The following NBEA variants were observed in gnomAD, a reference collection of about 807,000 sequenced individuals.
NBEA encodes the protein neurobeachin.
In NBEA, 44 loss-of-function variants were observed where a neutral mutation model predicts 343.4. That is an observed-to-expected ratio of 0.13 (90% CI 0.10 to 0.16). The LOEUF (loss-of-function observed/expected upper bound fraction) is 0.16. Ranked by LOEUF, NBEA falls within the 10% of genes least tolerant of loss-of-function variation. The pLI is 1.00. For missense variants in NBEA, 2,555 were observed against 3,631.3 expected (o/e 0.70, Z 7.62); for synonymous variants, 1,175 against 1,238.7 (o/e 0.95, Z 1.08).
intron 45 of NBEA, among the ~76,000 whole-genome samples, chr13:35,580,595 C>G (rs2080978018): frequency 6.6e-6 from 1 of 152,128 alleles, no homozygotes; most frequent in Middle Eastern, 3.2e-3. Flanking sequence ...AAGCAAATGT[C>G]ATCTATGACA....
rs573193713 is a variant in NBEA, at chr13:35,437,863, A to T, written c.6304+5470A>T. 2.0e-5 allele frequency among the ~76,000 whole-genome samples: 3 copies of T among 152,340 alleles called. No individual in the cohort carries two copies. In the South Asian group the frequency reaches 6.2e-4, roughly 32 times the overall value. On this transcript the variant is annotated intron_variant, in intron 39 of 58. Transcript: ENST00000379939. ...TATATATTAAAATAAAACCTAGACT[A>T]GTCAAATTCTGGTGCATTTCTAGCA...
intron 10 of NBEA, among the ~76,000 whole-genome samples, chr13:35,089,686 T>C (rs1349764571): frequency 1.0e-3 from 136 of 130,878 alleles, no homozygotes; most frequent in African/African-American, 3.9e-3. Context: ...ATAGACTGGA[T>C]TAAGAAAATG....
chr13:35,008,481 GA>G (rs1052881687), intron 1 of NBEA, among the ~76,000 whole-genome samples: 35 of 152,130 alleles, frequency 2.3e-4, no homozygotes, highest in African/African-American at 7.7e-4. Flanking sequence ...ATAGTGACTA[GA>G]AAAATGTTTG....
At chr13:35,210,915 A>G in intron 32 of NBEA, 138 bp from the exon 33 acceptor site, 1 of 809,688 alleles carries the variant, frequency 1.2e-6, no homozygotes, top group East Asian at 2.8e-5. Context: ...ATACTTACTA[A>G]TGGCCAAATG....
Position 35,164,531 on chromosome 13 carries a change from A to AGT in NBEA, c.4233+24_4233+25dup, listed in dbSNP as rs1295257966. On this transcript the variant is annotated intron_variant, in intron 24 of 58. Coordinates refer to ENST00000379939, the MANE Select transcript of NBEA (RefSeq NM_001385012.1). ...AACTGTAAGTACTTTGCCTCCATCT[A>AGT]GTGGTTATATTTTATAAATACATGA... 3 of 1,599,948 alleles carry AGT rather than the reference A, an allele frequency of 1.9e-6. No homozygotes were observed. The African/African-American group carries it at 4.0e-5, about 21-fold the overall frequency.
chr13:35,125,465 A>G (rs2067072277), intron 17 of NBEA, among the ~76,000 whole-genome samples: 1 of 152,210 alleles, frequency 6.6e-6, no homozygotes, highest in Non-Finnish European at 1.5e-5. Flanking sequence ...TTTGAATCAG[A>G]TTGGTTTCAG....
intron 40 of NBEA, among the ~76,000 whole-genome samples, chr13:35,468,488 T>G (rs1169133144): frequency 6.6e-6 from 1 of 152,200 alleles, no homozygotes; most frequent in Non-Finnish European, 1.5e-5. Context: ...CTTCCTTCCC[T>G]CTAGATAAGA....
At chr13:35,360,241 T>G (rs1030677605) in intron 38 of NBEA, among the ~76,000 whole-genome samples, 13 of 152,062 alleles carry the variant, frequency 8.5e-5, no homozygotes, top group Non-Finnish European at 1.8e-4. Context: ...AGAAGAAGAC[T>G]GAAGACTTGC....
intron 38 of NBEA, among the ~76,000 whole-genome samples, chr13:35,353,261 C>T (rs563772862): frequency 1.4e-3 from 219 of 152,258 alleles, no homozygotes; most frequent in Middle Eastern, 3.4e-3. Context: ...CATGGTGAAA[C>T]TCCATCTCTA....
intron 49 of NBEA, among the ~76,000 whole-genome samples, chr13:35,638,282 CT>C (rs1362757363): frequency 6.6e-6 from 1 of 152,066 alleles, no homozygotes; most frequent in Non-Finnish European, 1.5e-5. Flanking sequence ...CCACAATTAA[CT>C]TTTTTTAAAG....
At chr13:35,295,675 AAG>A (rs1416564374) in intron 35 of NBEA, among the ~76,000 whole-genome samples, 14 of 152,168 alleles carry the variant, frequency 9.2e-5, no homozygotes, top group African/African-American at 3.4e-4. Context: ...TTAAAGGAAA[AAG>A]AGTATCAGTA....
chr13:35,293,700 G>C (rs891759861), intron 35 of NBEA, among the ~76,000 whole-genome samples: 1 of 151,936 alleles, frequency 6.6e-6, no homozygotes, highest in African/African-American at 2.4e-5. Flanking sequence ...TTGATGAATA[G>C]CAGATTTAGT....
chr13:35,558,062 A>T (rs1707641419), intron 44 of NBEA, among the ~76,000 whole-genome samples: 1 of 152,200 alleles, frequency 6.6e-6, no homozygotes. Flanking sequence ...TATGTATGGC[A>T]TAAATCAAAA....
At position 35,452,194 on chromosome 13, in the gene NBEA, C is replaced by T. The variant is rs764810606; in HGVS notation, c.6407C>T (p.Ala2136Val). 40 of 1,601,170 alleles carry T rather than the reference C, an allele frequency of 2.5e-5. No homozygotes were observed. Among genetic ancestry groups the T allele is most frequent in the Non-Finnish European group, 3.3e-5 (39 of 1,172,788 alleles). Residue 2136 changes from alanine to valine, a missense_variant, in exon 40 of 59, where the codon GCA becomes GTA. Coordinates refer to ENST00000379939, the MANE Select transcript of NBEA (RefSeq NM_001385012.1). Reference sequence around the variant, plus strand: ...CTTATGCTGGAAGGAGACGATGATGCAGTCAGTCTGCTACAGGAGAAAGAA... The same window carrying T: ...CTTATGCTGGAAGGAGACGATGATGTAGTCAGTCTGCTACAGGAGAAAGAA... ...TELMLEGDDD[A>V]VSLLQEKEID...
At chr13:35,139,526 C>T (rs1388128154) in intron 17 of NBEA, among the ~76,000 whole-genome samples, 3 of 152,022 alleles carry the variant, frequency 2.0e-5, no homozygotes, top group Admixed American at 2.0e-4. Context: ...GGGCAGAAAT[C>T]CTGTCAAACT....
rs777508069 is a variant in NBEA at position 35,182,437 on chromosome 13, T to G, written c.4740T>G (p.Arg1580=). 1.9e-6 allele frequency: 3 copies of G among 1,610,824 alleles called. No individual in the cohort carries two copies. Residue 1580 remains arginine (R), a synonymous_variant, in exon 29 of 59, where the codon CGT becomes CGG. Transcript: ENST00000379939. ...CGGTTCTGATGGTTTCCAAGTATCG[T>G]GACATATTAGAACCCCAGAGAGAGA... ...FISVLMVSKY[R]DILEPQRETT...
chr13:35,004,779 G>T (rs2061261127), intron 1 of NBEA, among the ~76,000 whole-genome samples: 1 of 152,168 alleles, frequency 6.6e-6, no homozygotes, highest in Admixed American at 6.5e-5. Context: ...AGATCCAAAA[G>T]AAGAGGATTT....
Position 35,284,051 on chromosome 13 carries a change from GTAAA to G in NBEA, c.5777-6335_5777-6332del, listed in dbSNP as rs368047471. ...CATGTACACACACATCTTGGGATGA[GTAAA>G]TAGTTTCCTTGGAAGACAGCCAAAC... On this transcript the variant is annotated intron_variant, in intron 34 of 58. Coordinates refer to ENST00000379939, the MANE Select transcript of NBEA (RefSeq NM_001385012.1). Among the ~76,000 whole-genome samples the G allele has an allele frequency of 4.5e-3, 689 of 151,944 alleles. 6 individuals are homozygous for G. Among genetic ancestry groups the G allele is most frequent in the South Asian group, 0.018 (88 of 4,816 alleles).
At chr13:35,095,579 G>A (rs1222802846) in intron 10 of NBEA, among the ~76,000 whole-genome samples, 3 of 151,470 alleles carry the variant, frequency 2.0e-5, no homozygotes, top group Non-Finnish European at 4.4e-5. Flanking sequence ...TTACAAGGTG[G>A]TAATTATTTT....
Sources: gnomAD v4.1 joint callset for allele counts (sites outside exome capture counted in the v4.1 genomes callset) on GRCh38, gnomAD v4.1.1 for gene constraint, MANE v1.5 for transcripts, NCBI Gene and HGNC (gene_info 2026-07-23, HGNC 2026-07-21) for gene names.